The following MEIOC variants were observed in gnomAD, a reference collection of about 807,000 sequenced individuals.
MEIOC encodes the protein meiosis-specific coiled-coil domain-containing protein MEIOC.
Under a neutral mutation model 85.3 loss-of-function variants are expected in MEIOC, and 9 were observed. The ratio of observed to expected loss-of-function variants is 0.11; its 90% CI spans 0.06 to 0.18. The LOEUF (loss-of-function observed/expected upper bound fraction) is 0.18. Among genes scored for constraint, MEIOC ranks in the 10% least tolerant of loss-of-function variants. The probability of loss-of-function intolerance (pLI) is 1.00; values close to 1 mark genes in which losing one functional copy is unlikely to be tolerated. For synonymous variants in MEIOC, 365 were observed against 393.7 expected, an observed-to-expected ratio of 0.93 and a Z score of 0.86; for missense variants, 898 against 1,129.4, an observed-to-expected ratio of 0.80 and a Z score of 2.94.
In MEIOC at chr17:44,667,147, C is replaced by T. The variant is rs748612319; in HGVS notation, c.1236C>T (p.Phe412=). ...AACAGTTTGCAAAGGAAGCAGTATTCACTGCTGATTTTGGCTTAACATCAG... is the reference window on the plus strand; with the variant it reads ...AACAGTTTGCAAAGGAAGCAGTATTTACTGCTGATTTTGGCTTAACATCAG... The part of the protein sequence containing the change: ...TEKQFAKEAV[F]TADFGLTSEY... The change falls in exon 5 of 8, where the codon TTC becomes TTT. Residue 412 remains phenylalanine, a synonymous_variant. Transcript: ENST00000409122. 6.2e-7 allele frequency: 1 copy of T among 1,613,858 alleles called. No individual in the cohort carries two copies. Among genetic ancestry groups the T allele is most frequent in the African/African-American group, 1.3e-5 (1 of 75,046 alleles).
intron 6 of MEIOC, chr17:44,669,721 G>A (rs975269085): frequency 1.0e-5 from 5 of 493,510 alleles, no homozygotes; most frequent in Non-Finnish European, 1.8e-5. Context: ...TTAGCTGGGG[G>A]TGGTGGCATG....
chr17:44,671,412 T>C (rs1190385261), intron 6 of MEIOC, among the ~76,000 whole-genome samples: 3 of 152,086 alleles, frequency 2.0e-5, no homozygotes, highest in Admixed American at 1.3e-4. Flanking sequence ...TAGCTGGGCA[T>C]GGTGGCATGT....
Position 44,674,257 on chromosome 17 carries a change from G to A in MEIOC, c.*61G>A. On this transcript the variant is annotated 3_prime_UTR_variant, in exon 8 of 8. Transcript: ENST00000409122. ...AAATATACCAAGACATGCTAAAAATGTTTTAATGAACTTGTCAAACTTTCA... is the reference window on the plus strand; with the variant it reads ...AAATATACCAAGACATGCTAAAAATATTTTAATGAACTTGTCAAACTTTCA... 2 of 1,481,830 alleles carry A rather than the reference G, an allele frequency of 1.3e-6. No homozygotes were observed. Among genetic ancestry groups the A allele is most frequent in the South Asian group, 2.7e-5 (2 of 73,832 alleles). 91.8% of individuals were successfully genotyped at this position (1,481,830 alleles called of 1,614,324 possible). A position where few individuals can be genotyped will look rare whatever the true frequency, so the allele number is the denominator to read the frequency against.
Position 44,667,858 on chromosome 17 carries a change from G to A in MEIOC, c.1947G>A (p.Thr649=), listed in dbSNP as rs1293267360. Reference sequence around the variant, plus strand: ...AGGGTCATTCTAATAGCCACAGAACGAGAGGTGGAGACAATAGCCGTGTGA... The same window carrying A: ...AGGGTCATTCTAATAGCCACAGAACAAGAGGTGGAGACAATAGCCGTGTGA... The part of the protein sequence containing the change: ...ESQGHSNSHR[T]RGGDNSRVNR... Residue 649 remains threonine, a synonymous_variant, in exon 5 of 8, where the codon ACG becomes ACA. Coordinates refer to ENST00000409122, the MANE Select transcript of MEIOC (RefSeq NM_001145080.3). 6.2e-6 allele frequency: 10 copies of A among 1,613,832 alleles called. No homozygotes were observed. Among genetic ancestry groups the A allele is most frequent in the East Asian group, 2.2e-5 (1 of 44,898 alleles).
Position 44,666,747 on chromosome 17 carries a change from T to C in MEIOC, c.836T>C (p.Ile279Thr). 1.2e-6 allele frequency: 2 copies of C among 1,609,846 alleles called. No homozygotes were observed. ...ACACCCCAAACTGGTCTGTCTGATA[T>C]CATGAAAGAATCAGGAGTTGATATC... ...CFTPQTGLSD[I>T]MKESGVDIYH... Residue 279 changes from isoleucine to threonine, a missense_variant, in exon 5 of 8, where the codon ATC becomes ACC. By Grantham distance (89) the Ile-to-Thr change is moderately conservative. Coordinates refer to ENST00000409122, the MANE Select transcript of MEIOC (RefSeq NM_001145080.3).
intron 2 of MEIOC, among the ~76,000 whole-genome samples, chr17:44,657,988 A>C (rs1272553552): frequency 1.3e-5 from 2 of 151,494 alleles, no homozygotes; most frequent in Non-Finnish European, 2.9e-5. Context: ...AGTAGCTGGG[A>C]TTACAGGCAC....
rs1972063098 is a variant in MEIOC at position 44,675,475 on chromosome 17, A to G, written c.*1279A>G. ...TTGACTAGAAACACTGATGTTTTAA[A>G]TGTTAGTGTTTTTCTTAGTTTTAGA... On this transcript the variant is annotated 3_prime_UTR_variant, in exon 8 of 8. Transcript: ENST00000409122. 2 of 963,324 alleles carry G rather than the reference A, an allele frequency of 2.1e-6. No individual in the cohort carries two copies. The highest frequency in any genetic ancestry group is 2.5e-6 in the Non-Finnish European group (2 of 809,916). 59.7% of individuals were successfully genotyped at this position (963,324 alleles called of 1,614,324 possible).
At chr17:44,661,288 CAAA>C (rs1186351387) in intron 2 of MEIOC, among the ~76,000 whole-genome samples, 9 of 54,236 alleles carry the variant, frequency 1.7e-4, no homozygotes, top group African/African-American at 3.2e-4. Context: ...ACTCTTGTCT[CAAA>C]AAAAAAAAAA....
chr17:44,672,521 CT>C (rs1480375327), intron 6 of MEIOC, among the ~76,000 whole-genome samples: 2 of 152,160 alleles, frequency 1.3e-5, no homozygotes, highest in South Asian at 2.1e-4. Context: ...TCTTGAGAAG[CT>C]TTTTCCCCCT....
chr17:44,669,047 CA>C (rs201545906), intron 5 of MEIOC, among the ~76,000 whole-genome samples: 1 of 152,066 alleles, frequency 6.6e-6, no homozygotes, highest in African/African-American at 2.4e-5. Flanking sequence ...ACTAAAAATA[CA>C]AAAAATTAGC....
chr17:44,664,002 T>C (rs1971875004), intron 3 of MEIOC, among the ~76,000 whole-genome samples: 1 of 152,176 alleles, frequency 6.6e-6, no homozygotes, highest in African/African-American at 2.4e-5. Flanking sequence ...AAATATAAGG[T>C]ATTTTATTTC....
chr17:44,662,349 T>C lies in MEIOC; in HGVS notation c.237T>C (p.Tyr79=). Residue 79 remains tyrosine, a synonymous_variant, in exon 3 of 8, where the codon TAT becomes TAC. Coordinates refer to ENST00000409122, the MANE Select transcript of MEIOC (RefSeq NM_001145080.3). ...ACAATGTAGACCTAAGGCAGACCTA[T>C]ACTCCATTTTCTTCAACAGAATATT... The part of the protein sequence containing the change: ...SEDNVDLRQT[Y]TPFSSTEYSS... 1 of 1,550,316 alleles carries C rather than the reference T, an allele frequency of 6.5e-7. No individual in the cohort carries two copies. Among genetic ancestry groups the C allele is most frequent in the Non-Finnish European group, 8.7e-7 (1 of 1,146,278 alleles).
Position 44,656,470 on chromosome 17 carries a change from A to C in MEIOC, c.-144A>C. 3.6e-6 allele frequency: 2 copies of C among 547,964 alleles called. No homozygotes were observed. The highest frequency in any genetic ancestry group is 5.9e-6 in the Non-Finnish European group (2 of 340,326). 33.9% of individuals were successfully genotyped at this position (547,964 alleles called of 1,614,324 possible). A position where few individuals can be genotyped will look rare whatever the true frequency, so the allele number is the denominator to read the frequency against. On this transcript the variant is annotated 5_prime_UTR_variant, in exon 1 of 8. Transcript: ENST00000409122. ...CCGCTCGGACTTCCCTTACCCGCAC[A>C]CTGGCTCCAGGCAGCGCCCGGGCGG...
chr17:44,673,912 G>A, intron 7 of MEIOC, 64 bp from the exon 8 acceptor site: 5 of 1,506,030 alleles, frequency 3.3e-6, no homozygotes, highest in East Asian at 5.0e-5. Context: ...ACTGGGTTTT[G>A]TAAGATTTAA....
chr17:44,656,528 C>T lies in MEIOC; in HGVS notation c.-86C>T, dbSNP rs190425668. On this transcript the variant is annotated 5_prime_UTR_variant, in exon 1 of 8. Coordinates refer to ENST00000409122, the MANE Select transcript of MEIOC (RefSeq NM_001145080.3). ...GGCTGCGGAGACGGCGGGGTGCGGG[C>T]TGAGGGAGCCGGGCCTGGACGCCCC... The T allele has an allele frequency of 2.9e-3, 3,223 of 1,116,618 alleles. 46 individuals carry two copies. The African/African-American group carries it at 0.039, about 14-fold the overall frequency. The allele number at this position is 1,116,618 out of a possible 1,614,324, so 69.2% of individuals were successfully genotyped here.
chr17:44,657,036 A>G, intron 1 of MEIOC, 91 bp from the exon 2 acceptor site: 1 of 1,425,608 alleles, frequency 7.0e-7, no homozygotes, highest in Non-Finnish European at 9.4e-7. Context: ...ATTGAGCCGA[A>G]CAGCCGAGGT....
chr17:44,675,630 T>C lies in MEIOC; in HGVS notation c.*1434T>C. On this transcript the variant is annotated 3_prime_UTR_variant, in exon 8 of 8. Coordinates refer to ENST00000409122, the MANE Select transcript of MEIOC (RefSeq NM_001145080.3). ...AAACATTTTGATCACTGATATGCCT[T>C]AGAACTACCCAAATGAATTACATTG... The C allele has an allele frequency of 1.0e-6, 1 of 985,032 alleles. No individual in the cohort carries two copies. The highest frequency in any genetic ancestry group is 1.7e-5 in the African/African-American group (1 of 57,336). The allele number at this position is 985,032 out of a possible 1,614,324, so 61.0% of individuals were successfully genotyped here. A position where few individuals can be genotyped will look rare whatever the true frequency, so the allele number is the denominator to read the frequency against.
At chr17:44,666,301 C>A in intron 4 of MEIOC, 75 bp from the exon 5 acceptor site, 2 of 1,275,092 alleles carry the variant, frequency 1.6e-6, no homozygotes, top group South Asian at 3.2e-5. Flanking sequence ...TTTTGAAGAC[C>A]TTTTCTCCCT....
chr17:44,675,976 G>T (rs1972069759), downstream of MEIOC: 1 of 169,226 alleles, frequency 5.9e-6, no homozygotes, highest in Non-Finnish European at 1.2e-5. Context: ...GATCTAACCA[G>T]ATCTCCTTCA....
Sources: gnomAD v4.1 joint callset for allele counts (sites outside exome capture counted in the v4.1 genomes callset) on GRCh38, gnomAD v4.1.1 for gene constraint, MANE v1.5 for transcripts, NCBI Gene and HGNC (gene_info 2026-07-23, HGNC 2026-07-21) for gene names.